Variants in CRADD observed in about 807,000 individuals in gnomAD.
The protein encoded by CRADD is CARD and death domain containing adaptor protein.
CRADD carries 9 observed loss-of-function variants against 15.5 expected under a neutral mutation model. The ratio of observed to expected loss-of-function variants is 0.58; its 90% CI spans 0.35 to 1.01. The LOEUF (loss-of-function observed/expected upper bound fraction) is 1.01, where lower values mean the gene tolerates loss of function less well. Among genes scored for constraint, CRADD ranks in the 50% least tolerant of loss-of-function variants. The pLI is 0.02. For missense variants in CRADD, 227 were observed against 250.3 expected (o/e 0.91, Z 0.63); for synonymous variants, 118 against 107.6 (o/e 1.10, Z -0.60).
downstream of CRADD, among the ~76,000 whole-genome samples, chr12:93,853,542 C>T (rs149778979): frequency 4.4e-4 from 67 of 152,254 alleles, 1 homozygote; most frequent in East Asian, 0.011. Context: ...CCACTTTTTG[C>T]TCCATCCCCG....
chr12:93,876,418 C>G (rs534985764), intron 2 of CRADD, among the ~76,000 whole-genome samples: 1 of 152,172 alleles, frequency 6.6e-6, no homozygotes, highest in Admixed American at 6.5e-5. Context: ...CTACCCCTAT[C>G]TCTTTCTCTA....
intron 2 of CRADD, among the ~76,000 whole-genome samples, chr12:93,893,348 A>G (rs184925243): frequency 6.6e-6 from 1 of 152,008 alleles, no homozygotes; most frequent in African/African-American, 2.4e-5. Context: ...CCCTTCCCTC[A>G]TTACTTTCTG....
chr12:93,727,037 A>G (rs1956380696), intron 2 of CRADD, among the ~76,000 whole-genome samples: 1 of 152,218 alleles, frequency 6.6e-6, no homozygotes, highest in Non-Finnish European at 1.5e-5. Context: ...TTCAGCAACA[A>G]CTATTATTAT....
chr12:93,678,808 C>T lies in CRADD; in HGVS notation c.34C>T (p.Leu12Phe), dbSNP rs774237004. The T allele has an allele frequency of 4.3e-6, 7 of 1,614,124 alleles. No individual in the cohort carries two copies. The Admixed American group carries it at 1.2e-4, about 27-fold the overall frequency. ...CAGAGACAAACAAGTACTCCGCTCACTTCGCCTGGAGCTGGGTGCAGAGGT... is the reference window on the plus strand; with the variant it reads ...CAGAGACAAACAAGTACTCCGCTCATTTCGCCTGGAGCTGGGTGCAGAGGT... ...EARDKQVLRS[L>F]RLELGAEVLV... The change falls in exon 2 of 3, where the codon CTT (leucine) becomes TTT (phenylalanine). Residue 12 changes from leucine to phenylalanine, a missense_variant. By Grantham distance (22) the Leu-to-Phe change is conservative. Coordinates refer to ENST00000332896, the MANE Select transcript of CRADD (RefSeq NM_003805.5).
chr12:93,877,818 C>G (rs541516808), intron 2 of CRADD, among the ~76,000 whole-genome samples: 11 of 152,276 alleles, frequency 7.2e-5, no homozygotes, highest in African/African-American at 2.2e-4. Context: ...TTGAGGGCTC[C>G]AAGAGCCTGC....
intron 2 of CRADD, among the ~76,000 whole-genome samples, chr12:93,838,329 C>T (rs1022900290): frequency 2.7e-5 from 4 of 149,290 alleles, no homozygotes; most frequent in Non-Finnish European, 5.9e-5. Context: ...TGGGAGGTGG[C>T]TGATCAGGTT....
intron 2 of CRADD, among the ~76,000 whole-genome samples, chr12:93,722,378 T>C (rs1956280414): frequency 6.6e-6 from 1 of 152,124 alleles, no homozygotes; most frequent in African/African-American, 2.4e-5. Context: ...TGTGGTTTGG[T>C]GTCTGGCATT....
chr12:93,691,498 C>T (rs1955572454), intron 2 of CRADD, among the ~76,000 whole-genome samples: 1 of 152,134 alleles, frequency 6.6e-6, no homozygotes, highest in Admixed American at 6.5e-5. Flanking sequence ...AGGTGATCTG[C>T]CCGCCTTGGC....
chr12:93,726,997 G>A (rs1188663608), intron 2 of CRADD, among the ~76,000 whole-genome samples: 2 of 152,130 alleles, frequency 1.3e-5, no homozygotes, highest in South Asian at 2.1e-4. Flanking sequence ...CTCAGATTTC[G>A]AAAGGTCCTT....
intron 2 of CRADD, among the ~76,000 whole-genome samples, chr12:93,862,694 C>A (rs754941337): frequency 4.6e-5 from 7 of 152,188 alleles, no homozygotes; most frequent in Non-Finnish European, 8.8e-5. Context: ...GAAATCTCAA[C>A]ACTTTTAAAG....
At chr12:93,837,028 T>G (rs919043267) in intron 2 of CRADD, among the ~76,000 whole-genome samples, 1 of 151,978 alleles carries the variant, frequency 6.6e-6, no homozygotes, top group African/African-American at 2.4e-5. Context: ...GAAGTTATAT[T>G]TGGTGAAGGG....
At chr12:93,832,939 G>C (rs1200903766) in intron 2 of CRADD, among the ~76,000 whole-genome samples, 2 of 152,198 alleles carry the variant, frequency 1.3e-5, no homozygotes, top group African/African-American at 4.8e-5. Context: ...TTGGAATTTT[G>C]TCTCTCAACA....
chr12:93,713,619 A>G (rs572639911), intron 2 of CRADD, among the ~76,000 whole-genome samples: 45 of 151,254 alleles, frequency 3.0e-4, no homozygotes, highest in African/African-American at 1.0e-3. Flanking sequence ...TTGTTTTCTT[A>G]ACGTTTTTTT....
At chr12:93,849,701 A>G (rs1415030478) in intron 2 of CRADD, among the ~76,000 whole-genome samples, 2 of 148,718 alleles carry the variant, frequency 1.3e-5, no homozygotes, top group Admixed American at 6.9e-5. Flanking sequence ...ACATCATGCC[A>G]TTGCTCTCCA....
intron 2 of CRADD, among the ~76,000 whole-genome samples, chr12:93,711,055 C>CCCCCTTT: frequency 2.4e-3 from 103 of 43,496 alleles, no homozygotes; most frequent in African/African-American, 2.8e-3. Flanking sequence ...CCACCCCCGC[C>CCCCCTTT]TTTTTTTTTT....
rs143197723 is a variant in CRADD, at chr12:93,857,586, A to G, written c.299-36464A>G. Among the ~76,000 whole-genome samples, 20 of 152,366 alleles carry G rather than the reference A, an allele frequency of 1.3e-4. No individual in the cohort carries two copies. The East Asian group carries it at 3.9e-3, about 29-fold the overall frequency. On this transcript the variant is annotated intron_variant, in intron 2 of 2. Transcript: ENST00000548483. ...TTATCTTTGTCCATTTAGTGTTGCT[A>G]CATGGGAATACCTGAGGCTGGGTAA... is the stretch of plus-strand genomic sequence containing the variant.
At chr12:93,747,019 C>T (rs1036350396) in intron 2 of CRADD, among the ~76,000 whole-genome samples, 6 of 151,832 alleles carry the variant, frequency 4.0e-5, no homozygotes, top group African/African-American at 1.5e-4. Context: ...TCAGGTTTTG[C>T]TGCCAAATGA....
intron 2 of CRADD, among the ~76,000 whole-genome samples, chr12:93,856,968 G>C (rs1286540682): frequency 6.6e-6 from 1 of 152,152 alleles, no homozygotes; most frequent in African/African-American, 2.4e-5. Context: ...TGTCTATCTT[G>C]TTGGCATTTA....
chr12:93,818,353 TCA>T (rs1957731960), intron 2 of CRADD, among the ~76,000 whole-genome samples: 1 of 152,164 alleles, frequency 6.6e-6, no homozygotes, highest in Non-Finnish European at 1.5e-5. Flanking sequence ...AGCCTCTCCT[TCA>T]CACCTCCCCA....
Sources: gnomAD v4.1 joint callset for allele counts (sites outside exome capture counted in the v4.1 genomes callset) on GRCh38, gnomAD v4.1.1 for gene constraint, MANE v1.5 for transcripts, NCBI Gene and HGNC (gene_info 2026-07-23, HGNC 2026-07-21) for gene names.